The following HPS1 variants were observed in gnomAD, a reference collection of about 807,000 sequenced individuals.
HPS1 encodes the protein BLOC-3 complex member HPS1.
Under a neutral mutation model 90.6 loss-of-function variants are expected in HPS1, and 59 were observed. The ratio of observed to expected loss-of-function variants is 0.65; its 90% CI spans 0.53 to 0.81. HPS1 has a LOEUF of 0.81. Among genes scored for constraint, HPS1 ranks in the 30% least tolerant of loss-of-function variants. The probability of loss-of-function intolerance (pLI) is 0.00; values close to 1 mark genes in which losing one functional copy is unlikely to be tolerated. For missense variants in HPS1, 849 were observed against 896.7 expected (o/e 0.95, Z 0.68); for synonymous variants, 388 against 384.4 (o/e 1.01, Z -0.11).
At position 98,445,308 on chromosome 10, in the gene HPS1, G is replaced by C. The variant is rs952013070; in HGVS notation, c.-9C>G. 3.3e-5 allele frequency: 5 copies of C among 152,670 alleles called. No individual in the cohort carries two copies. Among genetic ancestry groups the C allele is most frequent in the African/African-American group, 1.2e-4 (5 of 41,454 alleles). 9.5% of individuals were successfully genotyped at this position (152,670 alleles called of 1,614,324 possible). A position where few individuals can be genotyped will look rare whatever the true frequency, so the allele number is the denominator to read the frequency against. ...GGGGCAAGATCATCTACCTTGGCAA[G>C]CACAGTGGAGCATCCAGACGGCCAG... On this transcript the variant is annotated 5_prime_UTR_variant, in exon 2 of 20. Transcript: ENST00000361490. The surrounding 1 kb of genome is among the most constrained non-coding windows in gnomAD (Gnocchi z 4.5).
downstream of HPS1, chr10:98,414,900 CAGAGG>C (rs1295778725): frequency 1.4e-5 from 21 of 1,476,936 alleles, no homozygotes; most frequent in Non-Finnish European, 1.9e-5. Context: ...TGGGTTATGC[CAGAGG>C]AGAGAGCAGT....
At chr10:98,432,611 T>C (rs1846636834) in intron 6 of HPS1, among the ~76,000 whole-genome samples, 1 of 152,266 alleles carries the variant, frequency 6.6e-6, no homozygotes, top group African/African-American at 2.4e-5. Context: ...CTAAAATATC[T>C]GTACGTGTTC....
In HPS1 at chr10:98,418,219, G is replaced by C. The variant is rs760508807; in HGVS notation, c.1896C>G (p.Ser632=). ...KLQMIEVPVL[S]DDSVPIGMLG... The stretch of plus-strand genomic sequence containing the variant: ...GCATGCCGATAGGCACTGAGTCGTC[G>C]GAGAGGACGGGCACCTCGATCATCT... Residue 632 remains serine, a synonymous_variant, in exon 19 of 20, where the codon TCC becomes TCG. Coordinates refer to ENST00000361490, the MANE Select transcript of HPS1 (RefSeq NM_000195.5). 6.2e-7 allele frequency: 1 copy of C among 1,610,720 alleles called. No individual in the cohort carries two copies. The highest frequency in any genetic ancestry group is 1.3e-5 in the African/African-American group (1 of 74,862).
intron 11 of HPS1, 87 bp downstream of exon 11, chr10:98,427,128 C>A (rs768257522): frequency 3.7e-5 from 43 of 1,154,458 alleles, no homozygotes; most frequent in Non-Finnish European, 5.2e-5. Flanking sequence ...GGTAGAGTCA[C>A]CCTGGAGGCG....
At chr10:98,432,863 T>C (rs1846678354) in intron 6 of HPS1, among the ~76,000 whole-genome samples, 1 of 151,830 alleles carries the variant, frequency 6.6e-6, no homozygotes, top group Admixed American at 6.6e-5. Context: ...GATCTTTACC[T>C]TTCCTGCTCT....
rs766828171 is a variant in HPS1, at chr10:98,425,626, G to A, written c.1250C>T (p.Ala417Val). The A allele has an allele frequency of 6.2e-7, 1 of 1,613,738 alleles. No homozygotes were observed. Among genetic ancestry groups the A allele is most frequent in the East Asian group, 2.2e-5 (1 of 44,868 alleles). Residue 417 changes from alanine to valine, a missense_variant, in exon 13 of 20, where the codon GCC (alanine) becomes GTC (valine). Physicochemically the swap from Ala to Val is moderately conservative, Grantham distance 64. Coordinates refer to ENST00000361490, the MANE Select transcript of HPS1 (RefSeq NM_000195.5). The stretch of plus-strand genomic sequence containing the variant: ...CACGAGGGGCTGGGAGCGCAGGGAG[G>A]CCCCGGGCTCCGGCCCTTCCTTCAG... ...KKLKEGPEPG[A>V]SLRSQPLVGD...
chr10:98,433,812 TC>T (rs1401250528), intron 6 of HPS1, 170 bp downstream of exon 6: 1 of 879,624 alleles, frequency 1.1e-6, no homozygotes, highest in Non-Finnish European at 1.7e-6. Context: ...GGAAAGCCCA[TC>T]AGGGTACCCA....
At position 98,435,424 on chromosome 10, in the gene HPS1, C is replaced by G; in HGVS notation, c.256-10G>C. The G allele has an allele frequency of 6.2e-7, 1 of 1,613,732 alleles. No individual in the cohort carries two copies. The highest frequency in any genetic ancestry group is 8.5e-7 in the Non-Finnish European group (1 of 1,180,026). On this transcript the variant is annotated splice_polypyrimidine_tract_variant and intron_variant, in intron 4 of 19. Coordinates refer to ENST00000361490, the MANE Select transcript of HPS1 (RefSeq NM_000195.5). The surrounding 1 kb of genome is among the most constrained non-coding windows in gnomAD (Gnocchi z 4.3). Reference sequence around the variant, plus strand: ...ACAGGCATTCTCCAAACTGCAGGCACAGGCAGGCCAGTGTCAGCCAGCCCC... The same window carrying G: ...ACAGGCATTCTCCAAACTGCAGGCAGAGGCAGGCCAGTGTCAGCCAGCCCC...
At chr10:98,423,219 C>A (rs1229678120) in intron 16 of HPS1, among the ~76,000 whole-genome samples, 2 of 152,034 alleles carry the variant, frequency 1.3e-5, no homozygotes, top group African/African-American at 4.8e-5. Flanking sequence ...TTACATGCCA[C>A]TGTGCACTGT....
chr10:98,427,022 G>T (rs552037932), intron 11 of HPS1, among the ~76,000 whole-genome samples, 193 bp downstream of exon 11: 3 of 152,284 alleles, frequency 2.0e-5, no homozygotes, highest in African/African-American at 7.2e-5. Flanking sequence ...ACCCCTCACA[G>T]CCCATTCCTG....
At chr10:98,425,340 T>A (rs1001894622) in intron 13 of HPS1, among the ~76,000 whole-genome samples, 4 of 152,178 alleles carry the variant, frequency 2.6e-5, no homozygotes, top group African/African-American at 9.7e-5. Context: ...CAAACACACA[T>A]AAAAAGATTC....
chr10:98,429,825 G>A lies in HPS1; in HGVS notation c.833C>T (p.Ser278Phe), dbSNP rs996787797. The A allele has an allele frequency of 1.2e-6, 2 of 1,613,630 alleles. No individual in the cohort carries two copies. Among genetic ancestry groups the A allele is most frequent in the African/African-American group, 2.7e-5 (2 of 74,942 alleles). ...AGAGCTCCCCCCAGTTGGGCCCGTG[G>A]AGTGAGGGCTCCAGGCCTGCTGCAC... is the stretch of plus-strand genomic sequence containing the variant. ...IPVQQAWSPHSTGPTGGSSAE... is the reference protein window; with the variant it reads ...IPVQQAWSPHFTGPTGGSSAE... Residue 278 changes from serine (S) to phenylalanine (F), a missense_variant, in exon 9 of 20, where the codon TCC becomes TTC. Transcript: ENST00000361490.
At chr10:98,422,346 C>A in intron 17 of HPS1, 23 bp downstream of exon 17, 1 of 1,605,416 alleles carries the variant, frequency 6.2e-7, no homozygotes, top group Non-Finnish European at 8.5e-7. Context: ...CCACCCATCC[C>A]CGCCCTGGGT....
intron 10 of HPS1, among the ~76,000 whole-genome samples, chr10:98,428,719 TAAGA>T: frequency 7.1e-6 from 1 of 141,026 alleles, no homozygotes; most frequent in Non-Finnish European, 1.5e-5. Flanking sequence ...TTTTTTTACC[TAAGA>T]ACTTCAGAAA....
At chr10:98,418,758 G>A (rs898007068) in intron 18 of HPS1, among the ~76,000 whole-genome samples, 2 of 152,226 alleles carry the variant, frequency 1.3e-5, no homozygotes, top group Admixed American at 1.3e-4. Flanking sequence ...AGTGTGCAGG[G>A]CTGCCCCCAC....
rs201771563 is a variant in HPS1, at chr10:98,424,390, G to C, written c.1336-16C>G. 2 of 1,610,882 alleles carry C rather than the reference G, an allele frequency of 1.2e-6. No homozygotes were observed. Among genetic ancestry groups the C allele is most frequent in the South Asian group, 1.1e-5 (1 of 90,382 alleles). On this transcript the variant is annotated splice_polypyrimidine_tract_variant and intron_variant, in intron 13 of 19. Transcript: ENST00000361490. ...GCCAGGTGCTCTGGAAGGAAGACAGGGGGCAGGTTTGCATCCCGACCATAT... is the reference window on the plus strand; with the variant it reads ...GCCAGGTGCTCTGGAAGGAAGACAGCGGGCAGGTTTGCATCCCGACCATAT...
At chr10:98,428,652 T>G (rs1845922667) in intron 10 of HPS1, among the ~76,000 whole-genome samples, 2 of 151,472 alleles carry the variant, frequency 1.3e-5, no homozygotes, top group Admixed American at 6.6e-5. Flanking sequence ...CCTGAAACCC[T>G]GGCCTTCTTT....
Position 98,425,652 on chromosome 10 carries a change from C to G in HPS1, c.1224G>C (p.Lys408Asn), listed in dbSNP as rs1845505581. ...LMDGFSMLEK[K>N]LKEGPEPGAS... ...CCCCGGGCTCCGGCCCTTCCTTCAG[C>G]TTCTTCTCCAGCATGGAGAAGCCAT... The change falls in exon 13 of 20, where the codon AAG (lysine) becomes AAC (asparagine). Residue 408 changes from lysine to asparagine, a missense_variant. Transcript: ENST00000361490. 7 of 1,613,622 alleles carry G rather than the reference C, an allele frequency of 4.3e-6. No homozygotes were observed. The African/African-American group carries it at 9.3e-5, about 22-fold the overall frequency.
intron 16 of HPS1, among the ~76,000 whole-genome samples, chr10:98,422,784 T>C (rs568951677): frequency 6.6e-6 from 1 of 152,312 alleles, no homozygotes; most frequent in Admixed American, 6.5e-5. Flanking sequence ...TATGCATCAT[T>C]TTCATGAGGG....
Sources: gnomAD v4.1 joint callset for allele counts (sites outside exome capture counted in the v4.1 genomes callset) on GRCh38, gnomAD v4.1.1 for gene constraint, Gnocchi (gnomAD v3.1) non-coding constraint, MANE v1.5 for transcripts, NCBI Gene and HGNC (gene_info 2026-07-23, HGNC 2026-07-21) for gene names.